HDAC9: variants seen among roughly 807,000 people sequenced by gnomAD.
HDAC9 encodes the protein histone deacetylase 9.
Under a neutral mutation model 139.4 loss-of-function variants are expected in HDAC9, and 41 were observed. That is an observed-to-expected ratio of 0.29 (90% confidence interval 0.23 to 0.38). HDAC9 has a LOEUF of 0.38. HDAC9 is among the 10% of genes least tolerant of loss of function. The probability of loss-of-function intolerance (pLI) is 1.00; values close to 1 mark genes in which losing one functional copy is unlikely to be tolerated. For synonymous variants in HDAC9, 517 were observed against 476.2 expected, an observed-to-expected ratio of 1.09 and a Z score of -1.12; for missense variants, 1,147 against 1,297.0, an observed-to-expected ratio of 0.88 and a Z score of 1.78.
At chr7:18,982,389 A>G (rs1785013254) in intron 25 of HDAC9, among the ~76,000 whole-genome samples, 1 of 152,158 alleles carries the variant, frequency 6.6e-6, no homozygotes, top group South Asian at 2.1e-4. Context: ...AATAGGCTCC[A>G]TAAGGTCTGT....
At chr7:18,750,212 G>A (rs887269981) in intron 14 of HDAC9, among the ~76,000 whole-genome samples, 15 of 152,248 alleles carry the variant, frequency 9.9e-5, no homozygotes, top group African/African-American at 3.6e-4. Flanking sequence ...GACTTTTGAA[G>A]ATGCAAAGCC....
intron 1 of HDAC9, among the ~76,000 whole-genome samples, chr7:18,123,460 G>A (rs940191310): frequency 6.6e-6 from 1 of 152,120 alleles, no homozygotes; most frequent in Admixed American, 6.6e-5. Flanking sequence ...ACCCACAAAA[G>A]CCTATTTAAA....
chr7:18,551,153 A>G (rs563470754), intron 2 of HDAC9, among the ~76,000 whole-genome samples: 2 of 152,218 alleles, frequency 1.3e-5, no homozygotes, highest in African/African-American at 4.8e-5. Context: ...GGGCATGAGC[A>G]TCTGGAAGGT....
At chr7:18,103,916 G>A (rs1469711097) in intron 1 of HDAC9, among the ~76,000 whole-genome samples, 1 of 152,198 alleles carries the variant, frequency 6.6e-6, no homozygotes, top group African/African-American at 2.4e-5. Context: ...TCATGGTCTT[G>A]GGTGGCCAGA....
rs76351725 is a variant in HDAC9, at chr7:18,459,265, A to G, written c.-41-36997A>G. 2.9e-4 allele frequency among the ~76,000 whole-genome samples: 44 copies of G among 152,276 alleles called. No individual in the cohort carries two copies. In the East Asian group the frequency reaches 7.9e-3, roughly 27 times the overall value. ...GTTACTTCCTACTAAGTTTTAACAG[A>G]TAAACCAGACTGAGGTTAAAATGCT... On this transcript the variant is annotated intron_variant, in intron 1 of 3. Coordinates refer to the HDAC9 transcript ENST00000413509.
At chr7:18,333,905 G>T (rs1449711405) in intron 1 of HDAC9, among the ~76,000 whole-genome samples, 1 of 151,066 alleles carries the variant, frequency 6.6e-6, no homozygotes, top group Non-Finnish European at 1.5e-5. Flanking sequence ...TTAAAAATGA[G>T]TAAAGAAGTT....
At chr7:18,114,580 G>A (rs1783843939) in intron 1 of HDAC9, among the ~76,000 whole-genome samples, 1 of 152,134 alleles carries the variant, frequency 6.6e-6, no homozygotes, top group African/African-American at 2.4e-5. Context: ...TAATTAATAA[G>A]TGAAGACCTG....
At chr7:18,273,007 C>A (rs1388748152) in intron 2 of HDAC9, among the ~76,000 whole-genome samples, 3 of 146,832 alleles carry the variant, frequency 2.0e-5, no homozygotes, top group Non-Finnish European at 4.5e-5. Flanking sequence ...TCTTCTTCTT[C>A]TTCTTCCTCC....
At chr7:18,216,177 G>T (rs1236551766) in intron 2 of HDAC9, among the ~76,000 whole-genome samples, 1 of 151,890 alleles carries the variant, frequency 6.6e-6, no homozygotes, top group Non-Finnish European at 1.5e-5. Flanking sequence ...ATAGAACAGA[G>T]AGATTGATTA....
At chr7:18,438,768 A>G (rs1282019341) in intron 1 of HDAC9, among the ~76,000 whole-genome samples, 2 of 151,942 alleles carry the variant, frequency 1.3e-5, no homozygotes, top group African/African-American at 4.8e-5. Flanking sequence ...AAGTGTTAAT[A>G]ATTGTTAATT....
chr7:18,188,620 A>G (rs1790092404), intron 2 of HDAC9, among the ~76,000 whole-genome samples: 1 of 152,240 alleles, frequency 6.6e-6, no homozygotes, highest in Non-Finnish European at 1.5e-5. Context: ...TAATATCCAG[A>G]ATTTACAGGG....
At chr7:18,530,861 A>G (rs755292262) in intron 2 of HDAC9, among the ~76,000 whole-genome samples, 54 of 151,108 alleles carry the variant, frequency 3.6e-4, no homozygotes, top group Middle Eastern at 3.4e-3. Context: ...GAGAATTTAA[A>G]TATAGATACA....
chr7:18,583,427 A>G (rs945436768), intron 2 of HDAC9, among the ~76,000 whole-genome samples: 1 of 152,122 alleles, frequency 6.6e-6, no homozygotes, highest in Admixed American at 6.5e-5. Context: ...GGAGTATTTA[A>G]AGCTTTTGAA....
At chr7:18,289,933 G>T (rs974630013), upstream of HDAC9, among the ~76,000 whole-genome samples, 2 of 152,066 alleles carry the variant, frequency 1.3e-5, no homozygotes, top group African/African-American at 4.8e-5. Context: ...TTCAGAGAAA[G>T]AAAGTCGTCA....
chr7:18,681,986 G>A (rs1191555816), intron 12 of HDAC9, among the ~76,000 whole-genome samples: 1 of 151,904 alleles, frequency 6.6e-6, no homozygotes, highest in Admixed American at 6.6e-5. Flanking sequence ...GATAAACTTT[G>A]CAAGAAAAGC....
In HDAC9 at chr7:18,851,704, TGTTA is replaced by T. The variant is rs1248728815; in HGVS notation, c.2684+15714_2684+15717del. Among the ~76,000 whole-genome samples the T allele has an allele frequency of 7.2e-5, 11 of 152,328 alleles. No homozygotes were observed. The East Asian group carries it at 1.2e-3, about 16-fold the overall frequency. On this transcript the variant is annotated intron_variant, in intron 21 of 25. Transcript: ENST00000686413. ...TTTGTACGATGTGCTTTTCCTGAAA[TGTTA>T]GTTAGTATAGTGATTTATATTAAAT...
intron 24 of HDAC9, among the ~76,000 whole-genome samples, chr7:18,955,135 GAA>G (rs1372145897): frequency 6.6e-6 from 1 of 152,070 alleles, no homozygotes; most frequent in Non-Finnish European, 1.5e-5. Context: ...TATGAATTTT[GAA>G]GACTTTTAGG....
At chr7:18,910,258 C>A (rs1258692290) in intron 22 of HDAC9, among the ~76,000 whole-genome samples, 2 of 152,014 alleles carry the variant, frequency 1.3e-5, no homozygotes, top group Middle Eastern at 3.4e-3. Context: ...CAGTTTTCAT[C>A]ATAGAAATCT....
chr7:18,564,354 T>C (rs1349993683), intron 2 of HDAC9, among the ~76,000 whole-genome samples: 1 of 152,182 alleles, frequency 6.6e-6, no homozygotes, highest in Non-Finnish European at 1.5e-5. Context: ...AAATGAGAAA[T>C]TACAGTTTTA....
Sources: allele counts gnomAD v4.1 joint callset (sites outside exome capture counted in the v4.1 genomes callset), GRCh38; gene constraint gnomAD v4.1.1; transcripts MANE v1.5; gene names NCBI Gene and HGNC (gene_info 2026-07-23, HGNC 2026-07-21).